OR11H6: variants seen among roughly 807,000 people sequenced by gnomAD.
OR11H6 encodes olfactory receptor family 11 subfamily H member 6.
In OR11H6, 4 loss-of-function variants were observed where a neutral mutation model predicts 9.2. The ratio of observed to expected loss-of-function variants is 0.44; its 90% confidence interval spans 0.21 to 1.00. The LOEUF is 1.00. Ranked by LOEUF, OR11H6 falls within the 50% of genes least tolerant of loss-of-function variation. The probability of loss-of-function intolerance (pLI) is 0.26; values close to 1 mark genes in which losing one functional copy is unlikely to be tolerated. For synonymous variants in OR11H6, 136 were observed against 148.9 expected (o/e 0.91, Z 0.63); for missense variants, 381 against 390.9 (o/e 0.97, Z 0.21).
chr14:20,223,917 G>T lies in OR11H6; in HGVS notation c.208G>T (p.Asp70Tyr), dbSNP rs143195914. 5 of 1,614,036 alleles carry T rather than the reference G, an allele frequency of 3.1e-6. No homozygotes were observed. The East Asian group carries it at 6.7e-5, about 22-fold the overall frequency. The change falls in exon 1 of 1, where the codon GAC (aspartate) becomes TAC (tyrosine). Residue 70 changes from aspartate to tyrosine, a missense_variant. Coordinates refer to ENST00000315519, the MANE Select transcript of OR11H6 (RefSeq NM_001004480.1). ...AGCTATTGTCTGTGCAGTGAAATTG[G>T]ACAGGCGGCTCCACACACCCATGTA... ...NGAIVCAVKL[D>Y]RRLHTPMYIL...
rs370128507 is a variant in OR11H6 at position 20,224,018 on chromosome 14, C to T, written c.309C>T (p.Ile103=). The T allele has an allele frequency of 5.9e-5, 96 of 1,613,970 alleles. No homozygotes were observed. Among genetic ancestry groups the T allele is most frequent in the Non-Finnish European group, 7.3e-5 (86 of 1,179,970 alleles). Residue 103 remains isoleucine (I), a synonymous_variant, in exon 1 of 1, where the codon ATC becomes ATT. Coordinates refer to ENST00000315519, the MANE Select transcript of OR11H6 (RefSeq NM_001004480.1). ...SSTVPNMLVN[I]LSEIKTISFS... The stretch of plus-strand genomic sequence containing the variant: ...CTGTCCCAAACATGCTAGTCAATAT[C>T]CTCTCTGAGATTAAAACCATCTCCT...
In OR11H6 at chr14:20,224,283, A is replaced by G; in HGVS notation, c.574A>G (p.Ile192Val). The G allele has an allele frequency of 6.2e-7, 1 of 1,613,986 alleles. No homozygotes were observed. The change falls in exon 1 of 1, where the codon ATT becomes GTT. Residue 192 changes from isoleucine to valine, a missense_variant. Transcript: ENST00000315519. The part of the protein sequence containing the change: ...SQLPFCGPNI[I>V]DHLVCDPGPL... ...ACTTCCCTTCTGTGGGCCCAACATC[A>G]TTGACCACTTGGTGTGTGACCCAGG... is the stretch of plus-strand genomic sequence containing the variant.
Position 20,224,422 on chromosome 14 carries a change from T to C in OR11H6, c.713T>C (p.Leu238Pro), listed in dbSNP as rs1880369645. The C allele has an allele frequency of 1.2e-6, 2 of 1,613,898 alleles. No individual in the cohort carries two copies. The highest frequency in any genetic ancestry group is 1.7e-6 in the Non-Finnish European group (2 of 1,179,878). Residue 238 changes from leucine (L) to proline (P), a missense_variant, in exon 1 of 1, where the codon CTG becomes CCG. Transcript: ENST00000315519. ...PFLSILGSYT[L>P]VIRAVLCIPS... is the part of the protein sequence containing the mutation. ...CTCTCCATCTTGGGATCTTACACTC[T>C]GGTCATCAGAGCTGTGCTTTGTATT...
At position 20,223,760 on chromosome 14, in the gene OR11H6, G is replaced by T; in HGVS notation, c.51G>T (p.Leu17Phe). 1 of 1,613,310 alleles carries T rather than the reference G, an allele frequency of 6.2e-7. No homozygotes were observed. Among genetic ancestry groups the T allele is most frequent in the South Asian group, 1.1e-5 (1 of 90,826 alleles). Residue 17 changes from leucine to phenylalanine, a missense_variant, in exon 1 of 1, where the codon TTG becomes TTT. By Grantham distance (22) the Leu-to-Phe change is conservative. Coordinates refer to ENST00000315519, the MANE Select transcript of OR11H6 (RefSeq NM_001004480.1). ...TTACTTCTGTTTTTCTAACAGCTTTGGGACCCCAGAACAGAACAATGCATT... is the reference window on the plus strand; with the variant it reads ...TTACTTCTGTTTTTCTAACAGCTTTTGGACCCCAGAACAGAACAATGCATT... ...SLVTSVFLTALGPQNRTMHFV... is the reference protein window; with the variant it reads ...SLVTSVFLTAFGPQNRTMHFV...
Position 20,224,325 on chromosome 14 carries a change from G to C in OR11H6, c.616G>C (p.Ala206Pro). 1 of 1,614,002 alleles carries C rather than the reference G, an allele frequency of 6.2e-7. No individual in the cohort carries two copies. Among genetic ancestry groups the C allele is most frequent in the Non-Finnish European group, 8.5e-7 (1 of 1,179,950 alleles). Reference sequence around the variant, plus strand: ...TGACCCAGGCCCATTGTTTGCACTGGCCTGCATCTCTGCTCCTTCCACTGA... The same window carrying C: ...TGACCCAGGCCCATTGTTTGCACTGCCCTGCATCTCTGCTCCTTCCACTGA... ...VCDPGPLFAL[A>P]CISAPSTELI... Residue 206 changes from alanine (A) to proline (P), a missense_variant, in exon 1 of 1, where the codon GCC becomes CCC. By Grantham distance (27) the Ala-to-Pro change is conservative. Transcript: ENST00000315519.
In OR11H6 at chr14:20,223,787, T is replaced by C. The variant is rs1566362094; in HGVS notation, c.78T>C (p.Phe26=). ...ALGPQNRTMH[F]VTEFVLLGFH... is the part of the protein sequence containing the mutation. ...GACCCCAGAACAGAACAATGCATTT[T>C]GTGACTGAGTTTGTCCTCCTGGGTT... The change falls in exon 1 of 1, where the codon TTT becomes TTC. Residue 26 remains phenylalanine, a synonymous_variant. Coordinates refer to ENST00000315519, the MANE Select transcript of OR11H6 (RefSeq NM_001004480.1). 1 of 1,614,154 alleles carries C rather than the reference T, an allele frequency of 6.2e-7. No individual in the cohort carries two copies.
chr14:20,224,139 A>C lies in OR11H6; in HGVS notation c.430A>C (p.Ile144Leu). ...SVMAYDRYLA[I>L]CRPLHYPSIM... ...TATGGCTTATGATCGGTACCTGGCC[A>C]TCTGTCGTCCATTACACTACCCCTC... is the stretch of plus-strand genomic sequence containing the variant. The change falls in exon 1 of 1, where the codon ATC (isoleucine) becomes CTC (leucine). Residue 144 changes from isoleucine to leucine, a missense_variant. Transcript: ENST00000315519. 6.2e-7 allele frequency: 1 copy of C among 1,613,776 alleles called. No homozygotes were observed. Among genetic ancestry groups the C allele is most frequent in the Non-Finnish European group, 8.5e-7 (1 of 1,179,772 alleles).
Position 20,224,387 on chromosome 14 carries a change from T to C in OR11H6, c.678T>C (p.Phe226=). Residue 226 remains phenylalanine, a synonymous_variant, in exon 1 of 1, where the codon TTT becomes TTC. Transcript: ENST00000315519. ...ACACCTTCAACTCGATGATTATCTTTGGGCCCTTCCTCTCCATCTTGGGAT... is the reference window on the plus strand; with the variant it reads ...ACACCTTCAACTCGATGATTATCTTCGGGCCCTTCCTCTCCATCTTGGGAT... ...ICYTFNSMII[F]GPFLSILGSY... 1 of 1,614,148 alleles carries C rather than the reference T, an allele frequency of 6.2e-7. No individual in the cohort carries two copies. Among genetic ancestry groups the C allele is most frequent in the Non-Finnish European group, 8.5e-7 (1 of 1,179,994 alleles).
In OR11H6 at chr14:20,224,445, A is replaced by G. The variant is rs1451814541; in HGVS notation, c.736A>G (p.Ile246Val). 6.2e-7 allele frequency: 1 copy of G among 1,614,028 alleles called. No individual in the cohort carries two copies. Among genetic ancestry groups the G allele is most frequent in the South Asian group, 1.1e-5 (1 of 91,070 alleles). ...TCTGGTCATCAGAGCTGTGCTTTGT[A>G]TTCCCTCTGGTGCTGGTCGAACTAA... Reference protein sequence around the residue: ...YTLVIRAVLCIPSGAGRTKAF... With the variant: ...YTLVIRAVLCVPSGAGRTKAF... Residue 246 changes from isoleucine to valine, a missense_variant, in exon 1 of 1, where the codon ATT becomes GTT. Transcript: ENST00000315519.
rs1363577691 is a variant in OR11H6, at chr14:20,223,764, C to A, written c.55C>A (p.Pro19Thr). Residue 19 changes from proline (P) to threonine (T), a missense_variant, in exon 1 of 1, where the codon CCC becomes ACC. Pro to Thr is a conservative substitution (Grantham distance 38). Coordinates refer to ENST00000315519, the MANE Select transcript of OR11H6 (RefSeq NM_001004480.1). ...VTSVFLTALG[P>T]QNRTMHFVTE... ...TTCTGTTTTTCTAACAGCTTTGGGA[C>A]CCCAGAACAGAACAATGCATTTTGT... 1.2e-6 allele frequency: 2 copies of A among 1,613,866 alleles called. No individual in the cohort carries two copies. The highest frequency in any genetic ancestry group is 1.7e-6 in the Non-Finnish European group (2 of 1,179,836).
At position 20,223,914 on chromosome 14, in the gene OR11H6, T is replaced by C; in HGVS notation, c.205T>C (p.Leu69=). Residue 69 remains leucine, a synonymous_variant, in exon 1 of 1, where the codon TTG becomes CTG. Transcript: ENST00000315519. ...TGGAGCTATTGTCTGTGCAGTGAAA[T>C]TGGACAGGCGGCTCCACACACCCAT... ...GNGAIVCAVK[L]DRRLHTPMYI... is the part of the protein sequence containing the mutation. 6.2e-7 allele frequency: 1 copy of C among 1,614,122 alleles called. No individual in the cohort carries two copies. The highest frequency in any genetic ancestry group is 8.5e-7 in the Non-Finnish European group (1 of 1,179,996).
chr14:20,224,326 C>G lies in OR11H6; in HGVS notation c.617C>G (p.Ala206Gly). ...VCDPGPLFAL[A>G]CISAPSTELI... ...GACCCAGGCCCATTGTTTGCACTGG[C>G]CTGCATCTCTGCTCCTTCCACTGAG... The change falls in exon 1 of 1, where the codon GCC (alanine) becomes GGC (glycine). Residue 206 changes from alanine (A) to glycine (G), a missense_variant. By Grantham distance (60) the Ala-to-Gly change is moderately conservative. Transcript: ENST00000315519. The G allele has an allele frequency of 6.2e-7, 1 of 1,614,078 alleles. No individual in the cohort carries two copies. The highest frequency in any genetic ancestry group is 2.2e-5 in the East Asian group (1 of 44,878).
chr14:20,223,871 C>T lies in OR11H6; in HGVS notation c.162C>T (p.Leu54=). ...TCTCATTCATCCTGGTTCTCTATCT[C>T]CTGACACTGCTAGGGAATGGAGCTA... ...CFFSFILVLY[L]LTLLGNGAIV... The change falls in exon 1 of 1, where the codon CTC becomes CTT. Residue 54 remains leucine (L), a synonymous_variant. Coordinates refer to ENST00000315519, the MANE Select transcript of OR11H6 (RefSeq NM_001004480.1). The T allele has an allele frequency of 6.2e-7, 1 of 1,614,134 alleles. No homozygotes were observed. Among genetic ancestry groups the T allele is most frequent in the Non-Finnish European group, 8.5e-7 (1 of 1,180,014 alleles).
chr14:20,224,127 C>A lies in OR11H6; in HGVS notation c.418C>A (p.Arg140=). ...CTTTTTATCAGTTATGGCTTATGAT[C>A]GGTACCTGGCCATCTGTCGTCCATT... ...CFFLSVMAYD[R]YLAICRPLHY... The change falls in exon 1 of 1, where the codon CGG becomes AGG. Residue 140 remains arginine (R), a synonymous_variant. Coordinates refer to ENST00000315519, the MANE Select transcript of OR11H6 (RefSeq NM_001004480.1). The A allele has an allele frequency of 6.2e-7, 1 of 1,613,710 alleles. No homozygotes were observed. The highest frequency in any genetic ancestry group is 8.5e-7 in the Non-Finnish European group (1 of 1,179,700).
At position 20,224,126 on chromosome 14, in the gene OR11H6, T is replaced by C; in HGVS notation, c.417T>C (p.Asp139=). 1 of 1,613,956 alleles carries C rather than the reference T, an allele frequency of 6.2e-7. No homozygotes were observed. Among genetic ancestry groups the C allele is most frequent in the South Asian group, 1.1e-5 (1 of 91,078 alleles). The change falls in exon 1 of 1, where the codon GAT becomes GAC. Residue 139 remains aspartate (D), a synonymous_variant. Transcript: ENST00000315519. ...ECFFLSVMAY[D]RYLAICRPLH... ...TCTTTTTATCAGTTATGGCTTATGA[T>C]CGGTACCTGGCCATCTGTCGTCCAT...
At position 20,223,831 on chromosome 14, in the gene OR11H6, T is replaced by C. The variant is rs1417652251; in HGVS notation, c.122T>C (p.Met41Thr). 1 of 1,613,988 alleles carries C rather than the reference T, an allele frequency of 6.2e-7. No individual in the cohort carries two copies. Among genetic ancestry groups the C allele is most frequent in the Non-Finnish European group, 8.5e-7 (1 of 1,179,826 alleles). The change falls in exon 1 of 1, where the codon ATG becomes ACG. Residue 41 changes from methionine to threonine, a missense_variant. Met to Thr is a moderately conservative substitution (Grantham distance 81). Coordinates refer to ENST00000315519, the MANE Select transcript of OR11H6 (RefSeq NM_001004480.1). ...CTGGGTTTCCATGGTCAAAGGGAGATGCAGAGCTGCTTCTTCTCATTCATC... is the reference window on the plus strand; with the variant it reads ...CTGGGTTTCCATGGTCAAAGGGAGACGCAGAGCTGCTTCTTCTCATTCATC... ...VLLGFHGQRE[M>T]QSCFFSFILV...
Position 20,224,625 on chromosome 14 carries a change from C to A in OR11H6, c.916C>A (p.Leu306Ile). ...AGCAATGACTCCATTCTTAAATCCCCTTATCTATAGTCTTCGAAACAAAGA... is the reference window on the plus strand; with the variant it reads ...AGCAATGACTCCATTCTTAAATCCCATTATCTATAGTCTTCGAAACAAAGA... ...YTAMTPFLNP[L>I]IYSLRNKDMK... Residue 306 changes from leucine (L) to isoleucine (I), a missense_variant, in exon 1 of 1, where the codon CTT (leucine) becomes ATT (isoleucine). By Grantham distance (5) the Leu-to-Ile change is conservative. Coordinates refer to ENST00000315519, the MANE Select transcript of OR11H6 (RefSeq NM_001004480.1). 1.2e-6 allele frequency: 2 copies of A among 1,613,960 alleles called. No homozygotes were observed. The highest frequency in any genetic ancestry group is 1.7e-6 in the Non-Finnish European group (2 of 1,179,848).
chr14:20,224,653 T>C lies in OR11H6; in HGVS notation c.944T>C (p.Met315Thr). 6.2e-7 allele frequency: 1 copy of C among 1,613,324 alleles called. No homozygotes were observed. The highest frequency in any genetic ancestry group is 1.7e-5 in the Admixed American group (1 of 60,012). ...PLIYSLRNKD[M>T]KDALKRVLGL... ...ATCTATAGTCTTCGAAACAAAGACA[T>C]GAAAGATGCTCTAAAGAGAGTCCTG... is the stretch of plus-strand genomic sequence containing the variant. Residue 315 changes from methionine to threonine, a missense_variant, in exon 1 of 1, where the codon ATG (methionine) becomes ACG (threonine). Coordinates refer to ENST00000315519, the MANE Select transcript of OR11H6 (RefSeq NM_001004480.1).
At position 20,224,481 on chromosome 14, in the gene OR11H6, A is replaced by G. The variant is rs200297030; in HGVS notation, c.772A>G (p.Thr258Ala). The G allele has an allele frequency of 1.5e-5, 24 of 1,614,018 alleles. No homozygotes were observed. The highest frequency in any genetic ancestry group is 2.0e-5 in the Non-Finnish European group (24 of 1,179,956). ...SGAGRTKAFS[T>A]CGSHLMVVSL... ...TGCTGGTCGAACTAAAGCTTTCTCC[A>G]CATGTGGGTCCCACCTAATGGTGGT... Residue 258 changes from threonine to alanine, a missense_variant, in exon 1 of 1, where the codon ACA becomes GCA. By Grantham distance (58) the Thr-to-Ala change is moderately conservative. Transcript: ENST00000315519.
Sources: allele counts gnomAD v4.1 joint callset, GRCh38; gene constraint gnomAD v4.1.1; transcripts MANE v1.5; gene names NCBI Gene and HGNC (gene_info 2026-07-23, HGNC 2026-07-21).